Variants in SGCD observed in about 807,000 individuals in gnomAD.
The protein encoded by SGCD is delta-sarcoglycan.
In SGCD, 18 loss-of-function variants were observed where a neutral mutation model predicts 36.6. The ratio of observed to expected loss-of-function variants is 0.49; its 90% CI spans 0.34 to 0.73. The LOEUF is 0.73. Among genes scored for constraint, SGCD ranks in the 30% least tolerant of loss-of-function variants. The pLI, the probability that SGCD is intolerant of heterozygous loss-of-function variation, is 0.01. For missense variants in SGCD, 387 were observed against 346.7 expected, an observed-to-expected ratio of 1.12 and a Z score of -0.92; for synonymous variants, 133 against 130.6, an observed-to-expected ratio of 1.02 and a Z score of -0.12.
At chr5:156,578,705 A>C (rs935846010) in intron 4 of SGCD, among the ~76,000 whole-genome samples, 1 of 152,006 alleles carries the variant, frequency 6.6e-6, no homozygotes, top group South Asian at 2.1e-4. Context: ...TTTGTGTAGA[A>C]GTGTTTATAG....
chr5:155,992,889 C>T (rs761063258), intron 1 of SGCD, among the ~76,000 whole-genome samples: 2 of 152,128 alleles, frequency 1.3e-5, no homozygotes, highest in Non-Finnish European at 2.9e-5. Context: ...AGGGACTGCT[C>T]CTTCTATGGT....
At chr5:155,781,512 T>A in the SGCD span, among the ~76,000 whole-genome samples, 151,415 of 152,354 alleles carry the variant, frequency 0.99, 75,245 homozygotes, top group Middle Eastern at 1. Flanking sequence ...CTGTGGCTGG[T>A]GTGCAGTGGC....
chr5:155,833,906 A>G, the SGCD span, among the ~76,000 whole-genome samples: 1 of 152,208 alleles, frequency 6.6e-6, no homozygotes, highest in African/African-American at 2.4e-5. Context: ...TGATTAACAG[A>G]TACAGTGAAA....
At chr5:155,818,407 T>C in the SGCD span, among the ~76,000 whole-genome samples, 18 of 152,078 alleles carry the variant, frequency 1.2e-4, 1 homozygote, top group Non-Finnish European at 5.9e-5. Flanking sequence ...CAGATTTGGC[T>C]GGACATGCCT....
chr5:155,879,675 A>G (rs1755840241), intron 1 of SGCD, among the ~76,000 whole-genome samples: 1 of 152,148 alleles, frequency 6.6e-6, no homozygotes, highest in Non-Finnish European at 1.5e-5. Flanking sequence ...CTACTACATG[A>G]TATCTTATTA....
intron 3 of SGCD, among the ~76,000 whole-genome samples, chr5:156,164,915 G>A (rs1238287721): frequency 1.3e-5 from 2 of 152,178 alleles, no homozygotes; most frequent in Non-Finnish European, 2.9e-5. Context: ...TGCAGTGACT[G>A]AAGAAATTTC....
chr5:156,542,843 G>A (rs1347001471), intron 4 of SGCD, among the ~76,000 whole-genome samples: 1 of 152,130 alleles, frequency 6.6e-6, no homozygotes, highest in Non-Finnish European at 1.5e-5. Flanking sequence ...ATTGTCTAGA[G>A]TATCACAGCA....
At chr5:156,158,218 T>C (rs1375944318) in intron 3 of SGCD, among the ~76,000 whole-genome samples, 1 of 151,626 alleles carries the variant, frequency 6.6e-6, no homozygotes, top group Non-Finnish European at 1.5e-5. Flanking sequence ...GGGTTTCGAA[T>C]TTTACTGGAT....
At chr5:156,421,637 A>T (rs893490046) in intron 3 of SGCD, among the ~76,000 whole-genome samples, 2 of 152,056 alleles carry the variant, frequency 1.3e-5, no homozygotes, top group African/African-American at 4.8e-5. Flanking sequence ...GTGAGCAGAT[A>T]GGTCATATCT....
intron 3 of SGCD, among the ~76,000 whole-genome samples, chr5:156,204,426 T>A (rs1352268259): frequency 6.6e-6 from 1 of 151,790 alleles, no homozygotes; most frequent in Admixed American, 6.6e-5. Context: ...ATATAAGGTA[T>A]CCTAGTGAAA....
At chr5:155,923,394 T>C (rs1326068552) in intron 1 of SGCD, among the ~76,000 whole-genome samples, 1 of 150,622 alleles carries the variant, frequency 6.6e-6, no homozygotes, top group Admixed American at 6.6e-5. Context: ...CCTGATCTTT[T>C]GTCTAATACT....
At chr5:156,367,640 A>G (rs1450410062) in intron 3 of SGCD, among the ~76,000 whole-genome samples, 2 of 152,212 alleles carry the variant, frequency 1.3e-5, no homozygotes, top group Non-Finnish European at 2.9e-5. Context: ...GACAATCTAC[A>G]CCATTCCCTC....
chr5:156,116,760 A>G (rs1170345815), intron 1 of SGCD, among the ~76,000 whole-genome samples: 2 of 152,144 alleles, frequency 1.3e-5, no homozygotes, highest in South Asian at 2.1e-4. Flanking sequence ...GGGAATCCTA[A>G]CAATATTGTC....
chr5:155,736,128 T>G, the SGCD span, among the ~76,000 whole-genome samples: 21 of 152,338 alleles, frequency 1.4e-4, 1 homozygote, highest in East Asian at 3.9e-3. Context: ...ACTTTGACAT[T>G]GTTAACACAC....
chr5:156,387,116 C>T (rs1771318215), intron 3 of SGCD, among the ~76,000 whole-genome samples: 1 of 152,160 alleles, frequency 6.6e-6, no homozygotes, highest in South Asian at 2.1e-4. Context: ...TCCCATTTCC[C>T]TCTCATTCAT....
At chr5:156,742,225 C>T (rs1007916407) in intron 7 of SGCD, among the ~76,000 whole-genome samples, 40 of 152,200 alleles carry the variant, frequency 2.6e-4, no homozygotes, top group East Asian at 1.4e-3. Flanking sequence ...ATTAACTCAG[C>T]GATACGGAAA....
chr5:156,719,243 C>G (rs1755370761), intron 7 of SGCD, among the ~76,000 whole-genome samples: 1 of 152,138 alleles, frequency 6.6e-6, no homozygotes, highest in Non-Finnish European at 1.5e-5. Flanking sequence ...TTTGATACAA[C>G]TGTTGTTCTT....
rs1436213613 is a variant in SGCD, at chr5:156,764,638, G to C, written c.*5248G>C. 2.6e-5 allele frequency: 4 copies of C among 152,384 alleles called. No homozygotes were observed. The highest frequency in any genetic ancestry group is 4.4e-5 in the Non-Finnish European group (3 of 68,018). The allele number at this position is 152,384 out of a possible 1,614,324, so 9.4% of individuals were successfully genotyped here. ...GGGGCAACTCATGCTCACACATGCT[G>C]TTTTCTTTGGTTCTCCCCCTACCTT... On this transcript the variant is annotated 3_prime_UTR_variant, in exon 9 of 9. Transcript: ENST00000337851.
At chr5:156,196,755 G>T (rs149606547) in intron 3 of SGCD, among the ~76,000 whole-genome samples, 3 of 152,230 alleles carry the variant, frequency 2.0e-5, no homozygotes, top group Admixed American at 6.5e-5. Flanking sequence ...TATTATTAAA[G>T]ATTGTGTCTT....
Sources: allele counts gnomAD v4.1 joint callset (sites outside exome capture counted in the v4.1 genomes callset), GRCh38; gene constraint gnomAD v4.1.1; transcripts MANE v1.5; gene names NCBI Gene and HGNC (gene_info 2026-07-23, HGNC 2026-07-21).